SLC24A3: variants seen among roughly 807,000 people sequenced by gnomAD.
SLC24A3 encodes the protein sodium/potassium/calcium exchanger 3.
Under a neutral mutation model 75.8 loss-of-function variants are expected in SLC24A3, and 28 were observed. That is an observed-to-expected ratio of 0.37 (90% CI 0.27 to 0.51). SLC24A3 has a LOEUF of 0.51. Among genes scored for constraint, SLC24A3 ranks in the 20% least tolerant of loss-of-function variants. The probability of loss-of-function intolerance (pLI) is 0.94; values close to 1 mark genes in which losing one functional copy is unlikely to be tolerated. For synonymous variants in SLC24A3, 372 were observed against 334.1 expected, an observed-to-expected ratio of 1.11 and a Z score of -1.24; for missense variants, 663 against 847.8, an observed-to-expected ratio of 0.78 and a Z score of 2.71.
At chr20:19,591,651 A>G (rs182415458) in intron 6 of SLC24A3, among the ~76,000 whole-genome samples, 62 of 152,244 alleles carry the variant, frequency 4.1e-4, no homozygotes, top group Non-Finnish European at 6.2e-4. Flanking sequence ...GATTGAGCCA[A>G]CTCAGGTTAC....
chr20:19,432,992 C>A (rs983750157), intron 2 of SLC24A3, among the ~76,000 whole-genome samples: 1 of 152,132 alleles, frequency 6.6e-6, no homozygotes, highest in South Asian at 2.1e-4. Flanking sequence ...AAAATTGCAA[C>A]CTCGGGCATA....
intron 3 of SLC24A3, among the ~76,000 whole-genome samples, chr20:19,536,372 C>G (rs942912406): frequency 1.3e-5 from 2 of 152,088 alleles, no homozygotes; most frequent in African/African-American, 4.8e-5. Flanking sequence ...CTTTGGGATG[C>G]ATGACTCTGA....
chr20:19,714,785 A>G (rs772266208), intron 15 of SLC24A3, among the ~76,000 whole-genome samples: 3 of 152,258 alleles, frequency 2.0e-5, no homozygotes, highest in Non-Finnish European at 2.9e-5. Flanking sequence ...TCGAGATTTC[A>G]TGTGAACATA....
intron 3 of SLC24A3, among the ~76,000 whole-genome samples, chr20:19,534,698 C>A (rs1472904729): frequency 6.6e-6 from 1 of 152,170 alleles, no homozygotes; most frequent in Non-Finnish European, 1.5e-5. Flanking sequence ...AGCCACCATG[C>A]CTGGCCCCAA....
rs879320303 is a variant in SLC24A3 at position 19,559,503 on chromosome 20, TC to T, written c.349-20496del. Among the ~76,000 whole-genome samples the T allele has an allele frequency of 5.9e-5, 9 of 152,296 alleles. No individual in the cohort carries two copies. The East Asian group carries it at 1.7e-3, about 29-fold the overall frequency. On this transcript the variant is annotated intron_variant, in intron 3 of 16. Coordinates refer to ENST00000328041, the MANE Select transcript of SLC24A3 (RefSeq NM_020689.4). ...CGTTTGATGTGGCTCATTTTATCAA[TC>T]TTTTTTCTTTCCTAGTTTTTCATTT...
intron 3 of SLC24A3, among the ~76,000 whole-genome samples, chr20:19,567,377 C>T (rs1350638030): frequency 6.6e-6 from 1 of 152,176 alleles, no homozygotes; most frequent in Non-Finnish European, 1.5e-5. Flanking sequence ...TTTGTAGCAA[C>T]ATAGATGGAG....
chr20:19,718,139 C>A (rs2145104), intron 16 of SLC24A3, among the ~76,000 whole-genome samples: 113,752 of 152,132 alleles, frequency 0.75, 42,813 homozygotes, highest in East Asian at 0.96. Context: ...TGGCATTAAG[C>A]AGCATTGAGA....
chr20:19,260,170 C>T lies in SLC24A3; in HGVS notation c.143-20789C>T, dbSNP rs1982937180. The stretch of plus-strand genomic sequence containing the variant: ...CATTATATTCAAGATCACCTCTATT[C>T]TGCCAGGATGGTCCTAAGGCTGACA... On this transcript the variant is annotated intron_variant, in intron 1 of 16. Transcript: ENST00000328041. Among the ~76,000 whole-genome samples, 3 of 152,302 alleles carry T rather than the reference C, an allele frequency of 2.0e-5. No individual in the cohort carries two copies. In the South Asian group the frequency reaches 6.2e-4, roughly 32 times the overall value.
chr20:19,231,547 G>A (rs1390829315), intron 1 of SLC24A3, among the ~76,000 whole-genome samples: 4 of 152,182 alleles, frequency 2.6e-5, no homozygotes, highest in Non-Finnish European at 5.9e-5. Context: ...AAGAGGCCGT[G>A]AGCCAAGGAA....
At chr20:19,330,067 G>A (rs1984964771) in intron 2 of SLC24A3, among the ~76,000 whole-genome samples, 1 of 152,182 alleles carries the variant, frequency 6.6e-6, no homozygotes. Context: ...TTTACACCAT[G>A]TTTATTGCAG....
At chr20:19,241,602 T>C (rs574801389) in intron 1 of SLC24A3, among the ~76,000 whole-genome samples, 1 of 152,354 alleles carries the variant, frequency 6.6e-6, no homozygotes, top group Admixed American at 6.5e-5. Context: ...TAACCGTGCA[T>C]GCCCGGGGCG....
intron 3 of SLC24A3, among the ~76,000 whole-genome samples, chr20:19,552,233 T>A (rs945588530): frequency 2.0e-5 from 3 of 152,106 alleles, no homozygotes; most frequent in Non-Finnish European, 2.9e-5. Context: ...CTTCTAAGAC[T>A]CTCTCTCCAG....
At chr20:19,378,356 A>T (rs905098793) in intron 2 of SLC24A3, among the ~76,000 whole-genome samples, 1 of 152,216 alleles carries the variant, frequency 6.6e-6, no homozygotes, top group Non-Finnish European at 1.5e-5. Flanking sequence ...CCTGGAAGCC[A>T]TCAGTGGACA....
intron 2 of SLC24A3, among the ~76,000 whole-genome samples, chr20:19,502,085 A>G (rs1476489144): frequency 1.3e-5 from 2 of 152,100 alleles, no homozygotes; most frequent in Non-Finnish European, 2.9e-5. Flanking sequence ...AGAAAACTAG[A>G]CTGGCAGAGA....
chr20:19,295,615 G>A (rs1329786165), intron 2 of SLC24A3, among the ~76,000 whole-genome samples: 1 of 152,180 alleles, frequency 6.6e-6, no homozygotes, highest in Non-Finnish European at 1.5e-5. Flanking sequence ...AGATAATCAT[G>A]TGGTTTCTGA....
chr20:19,577,554 G>C (rs549434707), intron 3 of SLC24A3, among the ~76,000 whole-genome samples: 1 of 152,202 alleles, frequency 6.6e-6, no homozygotes, highest in South Asian at 2.1e-4. Flanking sequence ...CTATTTCAGA[G>C]TGAAAATATT....
intron 2 of SLC24A3, among the ~76,000 whole-genome samples, chr20:19,391,113 C>A (rs766605713): frequency 6.6e-6 from 1 of 152,232 alleles, no homozygotes; most frequent in Non-Finnish European, 1.5e-5. Flanking sequence ...TCACTGCTCA[C>A]GTGGCATTTA....
intron 2 of SLC24A3, among the ~76,000 whole-genome samples, chr20:19,366,431 G>C (rs1276727190): frequency 6.6e-6 from 1 of 152,204 alleles, no homozygotes. Context: ...CCTCTGAAGA[G>C]TTTTCTTTTT....
intron 12 of SLC24A3, 53 bp downstream of exon 12, chr20:19,685,414 T>C: frequency 6.3e-7 from 1 of 1,586,536 alleles, no homozygotes; most frequent in Non-Finnish European, 8.6e-7. Context: ...AGCCACTGAG[T>C]AGATGCCCTT....
Sources: allele counts gnomAD v4.1 joint callset (sites outside exome capture counted in the v4.1 genomes callset), GRCh38; gene constraint gnomAD v4.1.1; transcripts MANE v1.5; gene names NCBI Gene and HGNC (gene_info 2026-07-23, HGNC 2026-07-21).